Variants in SLC9A7 observed in about 807,000 individuals in gnomAD.
SLC9A7 encodes solute carrier family 9 member A7.
Under a neutral mutation model 52.6 loss-of-function variants are expected in SLC9A7, and 19 were observed. The observed-to-expected ratio is 0.36, with a 90% CI of 0.25 to 0.53. The LOEUF is 0.53. Among genes scored for constraint, SLC9A7 ranks in the 20% least tolerant of loss-of-function variants. The pLI is 0.91. For synonymous variants in SLC9A7, 226 were observed against 252.1 expected, an observed-to-expected ratio of 0.90 and a Z score of 0.98; for missense variants, 455 against 597.9, an observed-to-expected ratio of 0.76 and a Z score of 2.49.
chrX:46,672,462 A>G, intron 4 of SLC9A7, 89 bp downstream of exon 4: 1 of 681,596 alleles, frequency 1.5e-6, no homozygotes, highest in Non-Finnish European at 2.3e-6. Context: ...ATCATCAAAA[A>G]TATCAAAATA....
chrX:46,648,165 G>T (rs1172298638), intron 11 of SLC9A7, among the ~76,000 whole-genome samples: 4 of 112,327 alleles, frequency 3.6e-5, no homozygotes, highest in Non-Finnish European at 7.5e-5. Flanking sequence ...TTAAATTCTA[G>T]TGTTGGGTCC....
intron 1 of SLC9A7, among the ~76,000 whole-genome samples, chrX:46,745,946 T>G (rs2147012533): frequency 9.4e-6 from 1 of 106,494 alleles, no homozygotes; most frequent in East Asian, 2.9e-4. Flanking sequence ...AGACAGAAAT[T>G]ATAAAAAAGA....
At chrX:46,729,547 G>A (rs1373197773) in intron 1 of SLC9A7, among the ~76,000 whole-genome samples, 1 of 111,529 alleles carries the variant, frequency 9.0e-6, no homozygotes, top group Non-Finnish European at 1.9e-5. Flanking sequence ...GCCGAGATGG[G>A]TGGATCACCT....
At chrX:46,664,559 G>A (rs1411477185) in intron 5 of SLC9A7, among the ~76,000 whole-genome samples, 1 of 110,994 alleles carries the variant, frequency 9.0e-6, no homozygotes, top group African/African-American at 3.3e-5. Context: ...CCCTGTTCAA[G>A]AAATAGAACT....
intron 1 of SLC9A7, among the ~76,000 whole-genome samples, chrX:46,698,723 T>A (rs1019008841): frequency 8.9e-6 from 1 of 112,002 alleles, no homozygotes; most frequent in African/African-American, 3.2e-5. Flanking sequence ...CGTGATCTTT[T>A]AAGTATTAAG....
intron 12 of SLC9A7, among the ~76,000 whole-genome samples, chrX:46,642,654 A>C (rs930165349): frequency 8.9e-6 from 1 of 111,971 alleles, no homozygotes; most frequent in Non-Finnish European, 1.9e-5. Flanking sequence ...CTCTTGAAAA[A>C]GTCAAACTCG....
intron 10 of SLC9A7, 86 bp downstream of exon 10, chrX:46,651,024 T>C (rs1467659007): frequency 3.2e-6 from 1 of 315,137 alleles, no homozygotes. Flanking sequence ...TGTTATTTTA[T>C]ATTATTATTA....
rs56178385 is a variant in SLC9A7, at chrX:46,751,768, C to T, written c.325+6937G>A. 3.4e-3 allele frequency among the ~76,000 whole-genome samples: 375 copies of T among 111,125 alleles called. 1 individual carries two copies. Among genetic ancestry groups the T allele is most frequent in the Middle Eastern group, 0.023 (5 of 214 alleles). On this transcript the variant is annotated intron_variant, in intron 1 of 16. Transcript: ENST00000616978. ...CAGGCTACAGTGAGCTAGGATTACA[C>T]CACTGTACTCCAGCCTGCATGACAC...
intron 1 of SLC9A7, 61 bp downstream of exon 1, chrX:46,758,644 G>A: frequency 2.5e-6 from 2 of 808,138 alleles, no homozygotes; most frequent in Non-Finnish European, 1.7e-6. Flanking sequence ...ACCGCGCGGC[G>A]CCAGGAGGAG....
chrX:46,737,659 C>T (rs965553869), intron 1 of SLC9A7, among the ~76,000 whole-genome samples: 3 of 111,661 alleles, frequency 2.7e-5, no homozygotes, highest in Admixed American at 9.6e-5. Context: ...ATTTGAAATA[C>T]TGAAAGATTG....
At chrX:46,646,302 G>A (rs908271011) in intron 11 of SLC9A7, among the ~76,000 whole-genome samples, 14 of 111,216 alleles carry the variant, frequency 1.3e-4, no homozygotes, top group African/African-American at 4.6e-4. Context: ...CAAAGCCCTG[G>A]TAAAAACCCA....
At chrX:46,609,920 C>T (rs757417855) in intron 16 of SLC9A7, among the ~76,000 whole-genome samples, 5 of 111,065 alleles carry the variant, frequency 4.5e-5, no homozygotes, top group Admixed American at 9.5e-5. Flanking sequence ...CCCAGCTACT[C>T]GGGAGGCTGA....
At chrX:46,742,443 T>C (rs1921423960) in intron 1 of SLC9A7, among the ~76,000 whole-genome samples, 3 of 110,847 alleles carry the variant, frequency 2.7e-5, no homozygotes. Context: ...AAAGACCTAA[T>C]TATAGATACA....
At chrX:46,701,453 G>A (rs1944530055) in intron 1 of SLC9A7, among the ~76,000 whole-genome samples, 1 of 111,164 alleles carries the variant, frequency 9.0e-6, no homozygotes, top group Admixed American at 9.6e-5. Flanking sequence ...TGGGCACAGT[G>A]GCACATGCCT....
chrX:46,657,731 G>C (rs1375552770), intron 7 of SLC9A7, among the ~76,000 whole-genome samples: 2 of 111,149 alleles, frequency 1.8e-5, no homozygotes, highest in Admixed American at 9.6e-5. Context: ...AGCAAGTCCT[G>C]AGTGACCTAC....
Position 46,687,399 on chromosome X carries a change from G to A in SLC9A7, c.326-4864C>T, listed in dbSNP as rs1040032041. ...TTTAAAGCTTCATCTGAAATTCCAA[G>A]AAAAGAAAGTATCTCATTTTGCATC... On this transcript the variant is annotated intron_variant, in intron 1 of 16. Coordinates refer to ENST00000616978, the MANE Select transcript of SLC9A7 (RefSeq NM_001257291.2). 4.5e-5 allele frequency among the ~76,000 whole-genome samples: 5 copies of A among 111,819 alleles called. No individual in the cohort carries two copies. The East Asian group carries it at 1.4e-3, about 31-fold the overall frequency.
intron 1 of SLC9A7, among the ~76,000 whole-genome samples, chrX:46,699,986 G>T (rs1313679203): frequency 9.1e-6 from 1 of 109,540 alleles, no homozygotes; most frequent in African/African-American, 3.3e-5. Context: ...GCATAGTGGT[G>T]TGTGGCTACT....
At chrX:46,718,914 A>C (rs1476146999) in intron 1 of SLC9A7, among the ~76,000 whole-genome samples, 5 of 111,971 alleles carry the variant, frequency 4.5e-5, no homozygotes, top group African/African-American at 1.6e-4. Context: ...CTAGAACTAG[A>C]TATACCATTT....
intron 5 of SLC9A7, among the ~76,000 whole-genome samples, chrX:46,665,796 G>C (rs1192286872): frequency 1.8e-5 from 2 of 110,632 alleles, no homozygotes; most frequent in Non-Finnish European, 3.8e-5. Flanking sequence ...CTAGGCTGGA[G>C]TGCAGTGGCA....
Sources: allele counts gnomAD v4.1 joint callset (sites outside exome capture counted in the v4.1 genomes callset), GRCh38; gene constraint gnomAD v4.1.1; transcripts MANE v1.5; gene names NCBI Gene and HGNC (gene_info 2026-07-23, HGNC 2026-07-21).